Variants in SOCS5 observed in about 807,000 individuals in gnomAD.
The protein encoded by SOCS5 is CIS-6.
In SOCS5, 32 loss-of-function variants were observed where a neutral mutation model predicts 42.8. The ratio of observed to expected loss-of-function variants is 0.75; its 90% CI spans 0.56 to 1.01. SOCS5 has a LOEUF of 1.01. SOCS5 is among the 50% of genes least tolerant of loss of function. The pLI is 0.00. For missense variants in SOCS5, 627 were observed against 653.0 expected (o/e 0.96, Z 0.43); for synonymous variants, 283 against 229.6 (o/e 1.23, Z -2.10).
intron 1 of SOCS5, among the ~76,000 whole-genome samples, chr2:46,718,396 T>G (rs537606345): frequency 1.3e-5 from 2 of 152,142 alleles, no homozygotes; most frequent in Non-Finnish European, 1.5e-5. Context: ...GCTTTATTTT[T>G]AAAAATCATG....
Position 46,744,516 on chromosome 2 carries a change from A to C in SOCS5, c.-12-14003A>C, listed in dbSNP as rs144526479. ...AGATATTTCCAAACTAGTTCTTTCA[A>C]AATAATAAAGACTTTTTTTTTTTTT... On this transcript the variant is annotated intron_variant, in intron 1 of 1. Transcript: ENST00000394861. Among the ~76,000 whole-genome samples the C allele has an allele frequency of 5.9e-4, 89 of 152,064 alleles. 3 individuals carry two copies. The East Asian group carries it at 8.3e-3, about 14-fold the overall frequency.
chr2:46,757,513 C>A (rs554612114), intron 1 of SOCS5, among the ~76,000 whole-genome samples: 3 of 152,082 alleles, frequency 2.0e-5, no homozygotes, highest in Non-Finnish European at 4.4e-5. Flanking sequence ...CATAGCCTTT[C>A]TCTATTACTT....
At chr2:46,725,163 A>G (rs1672964155) in intron 1 of SOCS5, among the ~76,000 whole-genome samples, 1 of 151,974 alleles carries the variant, frequency 6.6e-6, no homozygotes, top group African/African-American at 2.4e-5. Flanking sequence ...TACCTATTTG[A>G]TAATGATATA....
rs1324841490 is a variant in SOCS5, at chr2:46,761,026, A to G, written c.*885A>G. On this transcript the variant is annotated 3_prime_UTR_variant, in exon 2 of 2. Coordinates refer to ENST00000394861, the MANE Select transcript of SOCS5 (RefSeq NM_144949.3). ...AACAAGTCAGATAATAGTAACTACA[A>G]TGGTTGCTGATGTTGAGATTATTGT... 6.0e-6 allele frequency: 1 copy of G among 167,120 alleles called. No individual in the cohort carries two copies. Among genetic ancestry groups the G allele is most frequent in the Admixed American group, 6.5e-5 (1 of 15,286 alleles). The allele number at this position is 167,120 out of a possible 1,614,324, so 10.4% of individuals were successfully genotyped here. A position where few individuals can be genotyped will look rare whatever the true frequency, so the allele number is the denominator to read the frequency against.
chr2:46,732,030 T>G (rs1039528349), intron 1 of SOCS5, among the ~76,000 whole-genome samples: 2 of 152,146 alleles, frequency 1.3e-5, no homozygotes, highest in African/African-American at 4.8e-5. Context: ...ACTTAAGAGA[T>G]GTACTGAGGT....
At chr2:46,734,407 G>T (rs924090147) in intron 1 of SOCS5, among the ~76,000 whole-genome samples, 2 of 152,104 alleles carry the variant, frequency 1.3e-5, no homozygotes, top group Non-Finnish European at 2.9e-5. Context: ...TTTGTGAAAG[G>T]AAACCTGCAT....
intron 1 of SOCS5, among the ~76,000 whole-genome samples, chr2:46,750,279 G>A (rs1673594837): frequency 6.6e-6 from 1 of 152,138 alleles, no homozygotes; most frequent in Admixed American, 6.6e-5. Flanking sequence ...GGCTCGGCGT[G>A]CCCTCCTACG....
chr2:46,720,024 G>A (rs564520039), intron 1 of SOCS5, among the ~76,000 whole-genome samples: 1 of 152,268 alleles, frequency 6.6e-6, no homozygotes, highest in South Asian at 2.1e-4. Flanking sequence ...TCATTGTAGG[G>A]TTATATCTGC....
At chr2:46,703,776 A>C (rs925859633) in intron 1 of SOCS5, among the ~76,000 whole-genome samples, 4 of 152,236 alleles carry the variant, frequency 2.6e-5, no homozygotes, top group Admixed American at 1.3e-4. Flanking sequence ...AAAGAGGGAA[A>C]ATATGAATTA....
chr2:46,704,597 G>T (rs1672420393), intron 1 of SOCS5, among the ~76,000 whole-genome samples: 1 of 152,174 alleles, frequency 6.6e-6, no homozygotes, highest in Non-Finnish European at 1.5e-5. Flanking sequence ...ATTATGTACT[G>T]TATACAGTTT....
chr2:46,733,471 A>G (rs1411499486), intron 1 of SOCS5, among the ~76,000 whole-genome samples: 2 of 151,722 alleles, frequency 1.3e-5, no homozygotes, highest in Non-Finnish European at 2.9e-5. Flanking sequence ...ACTTTGGGAA[A>G]CTGAAGTGGG....
At chr2:46,730,350 C>T (rs1404090459) in intron 1 of SOCS5, among the ~76,000 whole-genome samples, 1 of 152,118 alleles carries the variant, frequency 6.6e-6, no homozygotes, top group Admixed American at 6.5e-5. Context: ...TCTGTAATCC[C>T]GGCACTTTGG....
In SOCS5 at chr2:46,762,737, G is replaced by C. The variant is rs529497056; in HGVS notation, c.*2596G>C. On this transcript the variant is annotated 3_prime_UTR_variant, in exon 2 of 2. Coordinates refer to ENST00000394861, the MANE Select transcript of SOCS5 (RefSeq NM_144949.3). Reference sequence around the variant, plus strand: ...CTGTCAACTAAATTTGAGTGTTAACGGTCTTTTTAAAGTGCATTTAAATAC... The same window carrying C: ...CTGTCAACTAAATTTGAGTGTTAACCGTCTTTTTAAAGTGCATTTAAATAC... The C allele has an allele frequency of 1.2e-5, 2 of 162,560 alleles. No individual in the cohort carries two copies. Among genetic ancestry groups the C allele is most frequent in the Non-Finnish European group, 1.5e-5 (1 of 68,020 alleles). The allele number at this position is 162,560 out of a possible 1,614,324, so 10.1% of individuals were successfully genotyped here. A position where few individuals can be genotyped will look rare whatever the true frequency, so the allele number is the denominator to read the frequency against.
At chr2:46,754,560 G>A (rs1673692795) in intron 1 of SOCS5, among the ~76,000 whole-genome samples, 1 of 152,000 alleles carries the variant, frequency 6.6e-6, no homozygotes, top group Non-Finnish European at 1.5e-5. Context: ...CTGGGAACTG[G>A]AAGTGTCTGG....
chr2:46,707,157 G>A (rs1415078881), intron 1 of SOCS5, among the ~76,000 whole-genome samples: 6 of 152,140 alleles, frequency 3.9e-5, no homozygotes, highest in African/African-American at 1.4e-4. Context: ...AAGGACAAAT[G>A]TGGAGAAAGT....
intron 1 of SOCS5, among the ~76,000 whole-genome samples, chr2:46,739,232 C>G (rs1673316626): frequency 6.6e-6 from 1 of 152,016 alleles, no homozygotes; most frequent in East Asian, 1.9e-4. Context: ...AAGACTATAT[C>G]CATTGTTATT....
chr2:46,709,918 C>T (rs1672579298), intron 1 of SOCS5, among the ~76,000 whole-genome samples: 1 of 152,096 alleles, frequency 6.6e-6, no homozygotes, highest in African/African-American at 2.4e-5. Flanking sequence ...AACAGCAATT[C>T]TTAAACTTTC....
chr2:46,758,469 C>A, intron 1 of SOCS5, 50 bp from the exon 2 acceptor site: 1 of 1,329,294 alleles, frequency 7.5e-7, no homozygotes, highest in Non-Finnish European at 1.0e-6. Context: ...GCTACCTTCA[C>A]ATGCTACTTT....
chr2:46,750,222 G>A (rs1673593764), intron 1 of SOCS5, among the ~76,000 whole-genome samples: 1 of 152,136 alleles, frequency 6.6e-6, no homozygotes, highest in African/African-American at 2.4e-5. Flanking sequence ...CAAAGCATAG[G>A]CAGTATCTGT....
Sources: gnomAD v4.1 joint callset for allele counts (sites outside exome capture counted in the v4.1 genomes callset) on GRCh38, gnomAD v4.1.1 for gene constraint, MANE v1.5 for transcripts, NCBI Gene and HGNC (gene_info 2026-07-23, HGNC 2026-07-21) for gene names.